The following SYNE1 variants were observed in gnomAD, a reference collection of about 807,000 sequenced individuals.
SYNE1 encodes spectrin repeat containing nuclear envelope protein 1.
In SYNE1, 616 loss-of-function variants were observed where a neutral mutation model predicts 1,111.0. That is an observed-to-expected ratio of 0.55 (90% CI 0.52 to 0.59). The LOEUF (loss-of-function observed/expected upper bound fraction) is 0.59. Ranked by LOEUF, SYNE1 falls within the 20% of genes least tolerant of loss-of-function variation. The pLI is 0.00. For synonymous variants in SYNE1, 3,855 were observed against 3,825.8 expected (o/e 1.01, Z -0.28); for missense variants, 10,006 against 10,417.0 (o/e 0.96, Z 1.72).
chr6:152,242,306 C>T lies in SYNE1; in HGVS notation c.19827G>A (p.Met6609Ile). 6.2e-7 allele frequency: 1 copy of T among 1,614,024 alleles called. No homozygotes were observed. The highest frequency in any genetic ancestry group is 1.1e-5 in the South Asian group (1 of 91,070). ...ACACGATGATTTTCTGGTCTCCTGC[C>T]ATCTTCTCCTGACCAGTTTCTAGCA... ...ADLLETGQEK[M>I]AGDQKIIVSS... Residue 6609 changes from methionine (M) to isoleucine (I), a missense_variant, in exon 107 of 146, where the codon ATG becomes ATA. Physicochemically the swap from Met to Ile is conservative, Grantham distance 10. This residue lies in a region of SYNE1 where 2,182 missense variants were observed against 2,287.8 expected (regional missense o/e 0.95). Transcript: ENST00000367255.
At chr6:152,303,586 G>T (rs2095276577) in intron 91 of SYNE1, among the ~76,000 whole-genome samples, 1 of 151,802 alleles carries the variant, frequency 6.6e-6, no homozygotes, top group Non-Finnish European at 1.5e-5. Context: ...AACCCTCTTA[G>T]ATACAAAATT....
intron 91 of SYNE1, 100 bp from the exon 92 acceptor site, chr6:152,302,163 G>T: frequency 6.5e-7 from 1 of 1,530,560 alleles, no homozygotes; most frequent in Non-Finnish European, 9.0e-7. Flanking sequence ...TGAGCGCGCA[G>T]AGCCGCGCGG....
intron 3 of SYNE1, among the ~76,000 whole-genome samples, chr6:152,598,464 T>C (rs1020810976): frequency 6.6e-6 from 1 of 152,228 alleles, no homozygotes; most frequent in African/African-American, 2.4e-5. Flanking sequence ...AGAAACTGAA[T>C]ATACACATTA....
chr6:152,165,546 C>G (rs767843070), intron 130 of SYNE1, among the ~76,000 whole-genome samples: 2 of 151,960 alleles, frequency 1.3e-5, no homozygotes, highest in Non-Finnish European at 1.5e-5. Context: ...GGAACATTAC[C>G]TTTTATTGTT....
Position 152,211,549 on chromosome 6 carries a change from G to A in SYNE1, c.22534C>T (p.His7512Tyr). ...AEMFSRQQIL[H>Y]SIIIDGQRLL... ...CGTTGCCCATCAATAATGATTGAGTGCAAAATCTGCTGACGACTGAACATC... is the reference window on the plus strand; with the variant it reads ...CGTTGCCCATCAATAATGATTGAGTACAAAATCTGCTGACGACTGAACATC... The change falls in exon 124 of 146, where the codon CAC becomes TAC. Residue 7512 changes from histidine to tyrosine, a missense_variant. Physicochemically the swap from His to Tyr is moderately conservative, Grantham distance 83. This residue lies in a region of SYNE1 where 2,182 missense variants were observed against 2,287.8 expected (regional missense o/e 0.95). Transcript: ENST00000367255. 1 of 1,613,828 alleles carries A rather than the reference G, an allele frequency of 6.2e-7. No individual in the cohort carries two copies.
intron 32 of SYNE1, among the ~76,000 whole-genome samples, chr6:152,439,074 G>A (rs2098503337): frequency 6.6e-6 from 1 of 152,108 alleles, no homozygotes; most frequent in Non-Finnish European, 1.5e-5. Context: ...GGACTGTTTT[G>A]AGGATTAAAG....
chr6:152,302,089 G>T (rs774912673), intron 91 of SYNE1, 26 bp from the exon 92 acceptor site: 7 of 1,613,936 alleles, frequency 4.3e-6, no homozygotes, highest in African/African-American at 1.3e-5. Context: ...CCCCACCGGG[G>T]TGTCAGAGCA....
intron 23 of SYNE1, 52 bp from the exon 24 acceptor site, chr6:152,455,642 G>T: frequency 6.2e-7 from 1 of 1,607,022 alleles, no homozygotes; most frequent in Non-Finnish European, 8.5e-7. Context: ...TTACTGAAAG[G>T]ATCATTTTGT....
At chr6:152,626,991 T>A (rs1380902090) in intron 3 of SYNE1, among the ~76,000 whole-genome samples, 3 of 152,240 alleles carry the variant, frequency 2.0e-5, no homozygotes, top group Non-Finnish European at 4.4e-5. Flanking sequence ...TCATTGATAC[T>A]GTGCAAACCC....
chr6:152,428,405 C>A lies in SYNE1; in HGVS notation c.4789-13G>T, dbSNP rs142900784. The A allele has an allele frequency of 5.0e-6, 8 of 1,612,768 alleles. No homozygotes were observed. The Middle Eastern group carries it at 5.7e-4, about 115-fold the overall frequency. Reference sequence around the variant, plus strand: ...CCTGGCAGAGATCCTAAGAAGAGTGCGAGAAGAATGCAGTGAAAGCACAGG... The same window carrying A: ...CCTGGCAGAGATCCTAAGAAGAGTGAGAGAAGAATGCAGTGAAAGCACAGG... On this transcript the variant is annotated splice_polypyrimidine_tract_variant and intron_variant, in intron 36 of 145. Coordinates refer to ENST00000367255, the MANE Select transcript of SYNE1 (RefSeq NM_182961.4).
Position 152,367,319 on chromosome 6 carries a change from C to T in SYNE1, c.9871G>A (p.Glu3291Lys). ...EHNQFSLGIK[E>K]LQDWMTDAIH... Reference sequence around the variant, plus strand: ...GCATCCGTCATCCAGTCTTGTAATTCTTTAATCCCAAGAGAGAACTGATTG... The same window carrying T: ...GCATCCGTCATCCAGTCTTGTAATTTTTTAATCCCAAGAGAGAACTGATTG... Residue 3291 changes from glutamate (E) to lysine (K), a missense_variant, in exon 62 of 146, where the codon GAA becomes AAA. By Grantham distance (56) the Glu-to-Lys change is moderately conservative. Around this residue, in one of 7 missense-constraint regions of SYNE1, gnomAD observed 4,955 missense variants for 5,017.2 expected, o/e 0.99. Transcript: ENST00000367255. 1 of 1,614,180 alleles carries T rather than the reference C, an allele frequency of 6.2e-7. No individual in the cohort carries two copies. The highest frequency in any genetic ancestry group is 8.5e-7 in the Non-Finnish European group (1 of 1,180,006).
intron 83 of SYNE1, 48 bp from the exon 84 acceptor site, chr6:152,321,438 A>T (rs564341559): frequency 6.2e-7 from 1 of 1,600,330 alleles, no homozygotes; most frequent in East Asian, 2.2e-5. Flanking sequence ...TTCTAAGGGG[A>T]CTGTTATAGA....
chr6:152,310,343 C>G, intron 89 of SYNE1, 53 bp downstream of exon 89: 1 of 1,611,098 alleles, frequency 6.2e-7, no homozygotes, highest in Non-Finnish European at 8.5e-7. Context: ...TTACTATCCT[C>G]TTTTAAAAAT....
intron 3 of SYNE1, among the ~76,000 whole-genome samples, chr6:152,622,682 T>C (rs1215270902): frequency 2.0e-5 from 3 of 152,196 alleles, no homozygotes; most frequent in African/African-American, 7.2e-5. Flanking sequence ...GGCATTTAGA[T>C]TGATGCAATG....
chr6:152,262,457 C>T (rs182451383), intron 100 of SYNE1, among the ~76,000 whole-genome samples: 204 of 152,192 alleles, frequency 1.3e-3, no homozygotes, highest in African/African-American at 4.4e-3. Flanking sequence ...AATTATAGCA[C>T]GATTACAGAC....
chr6:152,482,956 G>A, intron 14 of SYNE1, 129 bp downstream of exon 14: 1 of 1,024,638 alleles, frequency 9.8e-7, no homozygotes, highest in Non-Finnish European at 1.5e-6. Flanking sequence ...ACTCTAAGAA[G>A]GTGTGACGTC....
intron 77 of SYNE1, among the ~76,000 whole-genome samples, chr6:152,332,687 A>G (rs1339805593): frequency 6.6e-6 from 1 of 152,278 alleles, no homozygotes; most frequent in East Asian, 1.9e-4. Flanking sequence ...TGTAAGGTAT[A>G]ACCAACAGAT....
At position 152,387,105 on chromosome 6, in the gene SYNE1, T is replaced by A. The variant is rs764853272; in HGVS notation, c.8454A>T (p.Lys2818Asn). 1.7e-5 allele frequency: 28 copies of A among 1,614,034 alleles called. No homozygotes were observed. Among genetic ancestry groups the A allele is most frequent in the Non-Finnish European group, 2.2e-5 (26 of 1,180,004 alleles). Residue 2818 changes from lysine (K) to asparagine (N), a missense_variant, in exon 54 of 146, where the codon AAA (lysine) becomes AAT (asparagine). By Grantham distance (94) the Lys-to-Asn change is moderately conservative (BLOSUM62 0). Around this residue, in one of 7 missense-constraint regions of SYNE1, gnomAD observed 4,955 missense variants for 5,017.2 expected, o/e 0.99. Transcript: ENST00000367255. The part of the protein sequence containing the change: ...SFKDTAQEEL[K>N]TQFNDIMTVA... ...CAGTCATTATATCATTAAACTGTGT[T>A]TTCAGCTCCTCTTGAGCTGTGTCCT...
At chr6:152,603,614 T>C (rs1004238053) in intron 3 of SYNE1, among the ~76,000 whole-genome samples, 4 of 151,920 alleles carry the variant, frequency 2.6e-5, no homozygotes, top group African/African-American at 4.8e-5. Flanking sequence ...GAGACTTTAT[T>C]TGAAAATATT....
Sources: gnomAD v4.1 joint callset for allele counts (sites outside exome capture counted in the v4.1 genomes callset) on GRCh38, gnomAD v4.1.1 for gene constraint, gnomAD v4.1.1 regional missense constraint, MANE v1.5 for transcripts, NCBI Gene and HGNC (gene_info 2026-07-23, HGNC 2026-07-21) for gene names.